Variants in PTPRK observed in about 807,000 individuals in gnomAD.
PTPRK encodes protein tyrosine phosphatase receptor type K.
In PTPRK, 75 loss-of-function variants were observed where a neutral mutation model predicts 178.0. The ratio of observed to expected loss-of-function variants is 0.42; its 90% CI spans 0.35 to 0.51. The LOEUF (loss-of-function observed/expected upper bound fraction) is 0.51, where lower values mean the gene tolerates loss of function less well. PTPRK is among the 20% of genes least tolerant of loss of function. The pLI is 0.02. For missense variants in PTPRK, 1,441 were observed against 1,797.8 expected, an observed-to-expected ratio of 0.80 and a Z score of 3.59; for synonymous variants, 637 against 620.6, an observed-to-expected ratio of 1.03 and a Z score of -0.39.
chr6:127,991,149 A>C, intron 20 of PTPRK, 145 bp downstream of exon 20: 2 of 603,854 alleles, frequency 3.3e-6, no homozygotes, highest in Non-Finnish European at 5.6e-6. Context: ...CAGCCAGTCA[A>C]GGTCTACTTA....
chr6:128,446,869 C>A (rs770444682), intron 1 of PTPRK, among the ~76,000 whole-genome samples: 39 of 152,058 alleles, frequency 2.6e-4, no homozygotes, highest in African/African-American at 4.8e-5. Flanking sequence ...GTTTTTTACC[C>A]CTCAGAATAT....
intron 28 of PTPRK, among the ~76,000 whole-genome samples, 155 bp downstream of exon 28, chr6:127,973,509 T>A (rs1310387411): frequency 6.6e-6 from 1 of 152,074 alleles, no homozygotes; most frequent in Non-Finnish European, 1.5e-5. Flanking sequence ...CAAAATAAAC[T>A]TAGTAGTTAA....
intron 15 of PTPRK, among the ~76,000 whole-genome samples, chr6:128,004,207 T>C (rs1778168683): frequency 6.6e-6 from 1 of 151,816 alleles, no homozygotes; most frequent in South Asian, 2.1e-4. Flanking sequence ...GCCCAAGTTA[T>C]ACAAGGCCAG....
chr6:128,493,591 TACACACACACACACACACACACACAC>T (rs59656384), intron 1 of PTPRK, among the ~76,000 whole-genome samples: 35 of 124,018 alleles, frequency 2.8e-4, no homozygotes, highest in Non-Finnish European at 3.3e-4. Flanking sequence ...TCCCGCCCCC[TACACACACACACACACACACACACAC>T]ACACACACAC....
chr6:128,023,880 G>C (rs1773900444), intron 13 of PTPRK, among the ~76,000 whole-genome samples: 1 of 151,166 alleles, frequency 6.6e-6, no homozygotes. Flanking sequence ...ATGTTGTCCA[G>C]GTTTGTCTTG....
At chr6:128,018,306 T>A (rs1200125278) in intron 13 of PTPRK, among the ~76,000 whole-genome samples, 1 of 152,086 alleles carries the variant, frequency 6.6e-6, no homozygotes, top group Non-Finnish European at 1.5e-5. Flanking sequence ...TTATCAACTA[T>A]AATATACTGC....
At chr6:128,227,286 G>T (rs1811523666) in intron 5 of PTPRK, among the ~76,000 whole-genome samples, 1 of 152,178 alleles carries the variant, frequency 6.6e-6, no homozygotes, top group Non-Finnish European at 1.5e-5. Flanking sequence ...TAGAGTGAGA[G>T]GGAAGGTGGG....
At chr6:128,110,020 C>T (rs1188486442) in intron 7 of PTPRK, among the ~76,000 whole-genome samples, 4 of 152,074 alleles carry the variant, frequency 2.6e-5, no homozygotes, top group Non-Finnish European at 4.4e-5. Flanking sequence ...ATCCTCCTGC[C>T]TCAGTCTCCT....
chr6:128,149,358 TTGA>T (rs1796946717), intron 7 of PTPRK, among the ~76,000 whole-genome samples: 1 of 151,968 alleles, frequency 6.6e-6, no homozygotes, highest in African/African-American at 2.4e-5. Context: ...AATAATAATA[TTGA>T]TAATTCTAAA....
At chr6:128,172,354 G>A (rs1262832000) in intron 7 of PTPRK, among the ~76,000 whole-genome samples, 1 of 151,768 alleles carries the variant, frequency 6.6e-6, no homozygotes, top group Non-Finnish European at 1.5e-5. Context: ...AAATCTGAAA[G>A]GGTAGAAACA....
intron 6 of PTPRK, among the ~76,000 whole-genome samples, chr6:128,217,385 A>G (rs1000791100): frequency 2.6e-5 from 4 of 152,164 alleles, no homozygotes; most frequent in African/African-American, 9.7e-5. Context: ...TTCCAAGACT[A>G]AAGTTTACAA....
intron 10 of PTPRK, among the ~76,000 whole-genome samples, chr6:128,079,278 C>A (rs896983137): frequency 6.6e-6 from 1 of 151,932 alleles, no homozygotes; most frequent in African/African-American, 2.4e-5. Context: ...CTTATGGAGT[C>A]ACATATGGCG....
chr6:128,375,547 T>G (rs1836948493), intron 2 of PTPRK, among the ~76,000 whole-genome samples: 1 of 152,106 alleles, frequency 6.6e-6, no homozygotes, highest in African/African-American at 2.4e-5. Flanking sequence ...AGATGAGATT[T>G]TGGTGGGGAC....
chr6:128,398,734 G>A (rs1318567290), intron 1 of PTPRK, among the ~76,000 whole-genome samples: 1 of 152,066 alleles, frequency 6.6e-6, no homozygotes. Flanking sequence ...GATTTAAAAG[G>A]TTGGGGGTGA....
chr6:128,464,643 A>ATATATATATG lies in PTPRK; in HGVS notation c.100+55615_100+55616insCATATATATA, dbSNP rs1554271869. 1.3e-3 allele frequency among the ~76,000 whole-genome samples: 105 copies of ATATATATATG among 81,034 alleles called. 1 individual carries two copies. Among genetic ancestry groups the ATATATATATG allele is most frequent in the African/African-American group, 5.8e-3 (96 of 16,580 alleles). The allele number at this position is 81,034 out of a possible 152,430, so 53.2% of individuals were successfully genotyped here. ...TACATATATATATATATACACATAT[A>ATATATATATG]TATATATATATATATATATATATAT... On this transcript the variant is annotated intron_variant, in intron 1 of 29. Coordinates refer to ENST00000368226, the MANE Select transcript of PTPRK (RefSeq NM_002844.4).
In PTPRK at chr6:127,973,747, C is replaced by A; in HGVS notation, c.4050G>T (p.Arg1350Ser). Residue 1350 changes from arginine to serine, a missense_variant, in exon 28 of 30, where the codon AGG (arginine) becomes AGT (serine). Arg to Ser is a moderately radical substitution (Grantham distance 110). Coordinates refer to ENST00000368226, the MANE Select transcript of PTPRK (RefSeq NM_002844.4). ...ASHREVPGSK[R>S]SFLKLILQVE... Reference sequence around the variant, plus strand: ...CCTGAAGTATCAGTTTCAAGAATGACCTTTTGGATCCAGGCACTTCTCGAT... The same window carrying A: ...CCTGAAGTATCAGTTTCAAGAATGAACTTTTGGATCCAGGCACTTCTCGAT... 1 of 1,614,008 alleles carries A rather than the reference C, an allele frequency of 6.2e-7. No homozygotes were observed. The highest frequency in any genetic ancestry group is 8.5e-7 in the Non-Finnish European group (1 of 1,179,920).
At chr6:128,370,272 T>C (rs1490288153) in intron 2 of PTPRK, among the ~76,000 whole-genome samples, 1 of 152,144 alleles carries the variant, frequency 6.6e-6, no homozygotes, top group East Asian at 1.9e-4. Context: ...GCATCCCTGT[T>C]ATTGATGTAG....
intron 2 of PTPRK, among the ~76,000 whole-genome samples, chr6:128,372,182 T>G (rs1472411247): frequency 1.3e-5 from 2 of 152,238 alleles, no homozygotes; most frequent in African/African-American, 4.8e-5. Context: ...ACTATAAGAC[T>G]TTTATTTTAA....
chr6:128,260,642 C>A (rs569734739), intron 3 of PTPRK, among the ~76,000 whole-genome samples: 1 of 152,220 alleles, frequency 6.6e-6, no homozygotes, highest in South Asian at 2.1e-4. Context: ...GTTTCCTAAT[C>A]TCCTAATAAA....
Sources: gnomAD v4.1 joint callset for allele counts (sites outside exome capture counted in the v4.1 genomes callset) on GRCh38, gnomAD v4.1.1 for gene constraint, MANE v1.5 for transcripts, NCBI Gene and HGNC (gene_info 2026-07-23, HGNC 2026-07-21) for gene names.